MXD1: variants seen among roughly 807,000 people sequenced by gnomAD.
The protein encoded by MXD1 is MAX dimerization protein 1.
Under a neutral mutation model 25.7 loss-of-function variants are expected in MXD1, and 9 were observed. That is an observed-to-expected ratio of 0.35 (90% CI 0.21 to 0.61). The LOEUF is 0.61. Among genes scored for constraint, MXD1 ranks in the 20% least tolerant of loss-of-function variants. The pLI, the probability that MXD1 is intolerant of heterozygous loss-of-function variation, is 0.75. For missense variants in MXD1, 227 were observed against 292.4 expected, an observed-to-expected ratio of 0.78 and a Z score of 1.63; for synonymous variants, 99 against 113.9, an observed-to-expected ratio of 0.87 and a Z score of 0.83.
chr2:69,936,417 C>T (rs1336767277), intron 4 of MXD1, among the ~76,000 whole-genome samples: 6 of 152,168 alleles, frequency 3.9e-5, no homozygotes, highest in Admixed American at 3.3e-4. Flanking sequence ...ACTCTCTTTG[C>T]TACCTGAATA....
chr2:69,938,622 C>A lies in MXD1; in HGVS notation c.*338C>A. The A allele has an allele frequency of 5.1e-6, 1 of 197,742 alleles. No individual in the cohort carries two copies. Among genetic ancestry groups the A allele is most frequent in the Non-Finnish European group, 1.0e-5 (1 of 95,836 alleles). The allele number at this position is 197,742 out of a possible 1,614,324, so 12.2% of individuals were successfully genotyped here. ...CGTGTCCTCTCCCAGACCTTTCTTC[C>A]AGTTTTCTGGCTTACTGTGTTACTT... On this transcript the variant is annotated 3_prime_UTR_variant, in exon 6 of 6. Coordinates refer to ENST00000264444, the MANE Select transcript of MXD1 (RefSeq NM_002357.4).
rs185215223 is a variant in MXD1, at chr2:69,927,156, A to C, written c.203+5391A>C. Among the ~76,000 whole-genome samples the C allele has an allele frequency of 2.5e-3, 379 of 152,354 alleles. 7 individuals carry two copies. Among genetic ancestry groups the C allele is most frequent in the Admixed American group, 4.0e-3 (61 of 15,304 alleles). On this transcript the variant is annotated intron_variant, in intron 3 of 5. Transcript: ENST00000264444. ...ATTCAGTCAGGTCTCTTCTGGAAGA[A>C]TATTCTAATTGATTACAGGTCCCTA...
Position 69,915,367 on chromosome 2 carries a change from C to T in MXD1, c.37C>T (p.Leu13=), listed in dbSNP as rs767536516. ...AAVRMNIQML[L]EAADYLERRE... is the part of the protein sequence containing the mutation. ...GGTTCGGATGAACATCCAGATGCTG[C>T]TGGAGGCGGCCGACTATCTGGAGCG... The change falls in exon 1 of 6, where the codon CTG becomes TTG. Residue 13 remains leucine (L), a synonymous_variant. Transcript: ENST00000264444. The surrounding 1 kb of genome is among the most constrained non-coding windows in gnomAD (Gnocchi z 5.8). 15 of 1,288,522 alleles carry T rather than the reference C, an allele frequency of 1.2e-5. No homozygotes were observed. The highest frequency in any genetic ancestry group is 1.3e-5 in the Non-Finnish European group (13 of 1,008,734). 79.8% of individuals were successfully genotyped at this position (1,288,522 alleles called of 1,614,324 possible). A position where few individuals can be genotyped will look rare whatever the true frequency, so the allele number is the denominator to read the frequency against.
intron 3 of MXD1, among the ~76,000 whole-genome samples, chr2:69,925,951 C>T (rs1035272094): frequency 6.6e-6 from 1 of 152,098 alleles, no homozygotes; most frequent in African/African-American, 2.4e-5. Context: ...AATAAAAAAA[C>T]ACACAGGCAA....
chr2:69,918,737 A>G (rs957252637), intron 2 of MXD1, among the ~76,000 whole-genome samples: 1 of 152,084 alleles, frequency 6.6e-6, no homozygotes, highest in African/African-American at 2.4e-5. Context: ...ATTAGAGTGT[A>G]TTTTTAAATG....
intron 2 of MXD1, 65 bp from the exon 3 acceptor site, chr2:69,921,671 T>C: frequency 7.0e-7 from 1 of 1,420,688 alleles, no homozygotes. Flanking sequence ...AAGAATTGTG[T>C]TGGTGTTGAA....
rs1677504825 is a variant in MXD1, at chr2:69,938,213, G to A, written c.595G>A (p.Glu199Lys). The change falls in exon 6 of 6, where the codon GAG (glutamate) becomes AAG (lysine). Residue 199 changes from glutamate to lysine, a missense_variant. Physicochemically the swap from Glu to Lys is moderately conservative, Grantham distance 56 (BLOSUM62 1). Transcript: ENST00000264444. Reference protein sequence around the residue: ...RGSMQSLGSDEGYSSTSIKRI... With the variant: ...RGSMQSLGSDKGYSSTSIKRI... ...CAGCATGCAGAGCCTCGGCAGTGAT[G>A]AGGGCTATTCCAGCACCAGCATCAA... 3 of 1,614,096 alleles carry A rather than the reference G, an allele frequency of 1.9e-6. No individual in the cohort carries two copies. Among genetic ancestry groups the A allele is most frequent in the Non-Finnish European group, 8.5e-7 (1 of 1,180,052 alleles).
chr2:69,922,948 A>G (rs1378305915), intron 3 of MXD1, among the ~76,000 whole-genome samples: 1 of 151,650 alleles, frequency 6.6e-6, no homozygotes, highest in Non-Finnish European at 1.5e-5. Flanking sequence ...CAGCTTCAGT[A>G]ATTATCAACA....
At chr2:69,916,090 C>T in intron 1 of MXD1, 31 bp from the exon 2 acceptor site, 1 of 1,201,698 alleles carries the variant, frequency 8.3e-7, no homozygotes, top group Non-Finnish European at 1.2e-6. Flanking sequence ...ATTCTGGGCC[C>T]ATTCATTAAC....
At chr2:69,930,906 C>T (rs572444124) in intron 3 of MXD1, among the ~76,000 whole-genome samples, 67 of 152,316 alleles carry the variant, frequency 4.4e-4, no homozygotes, top group African/African-American at 1.4e-3. Context: ...CCCAGGGAGG[C>T]GCTTGTCACC....
At chr2:69,933,522 G>A (rs1198937669) in intron 3 of MXD1, among the ~76,000 whole-genome samples, 1 of 152,076 alleles carries the variant, frequency 6.6e-6, no homozygotes, top group South Asian at 2.1e-4. Context: ...TAAAGCCCTT[G>A]TGCTATTACC....
In MXD1 at chr2:69,941,329, G is replaced by T. The variant is rs1009997043; in HGVS notation, c.*3045G>T. ...TTTGAATGGTGGGCCGAGCACCCAGGTCGTCTGTATTTTGGTTTTCTTTTG... is the reference window on the plus strand; with the variant it reads ...TTTGAATGGTGGGCCGAGCACCCAGTTCGTCTGTATTTTGGTTTTCTTTTG... On this transcript the variant is annotated 3_prime_UTR_variant, in exon 6 of 6. Transcript: ENST00000264444. 6.6e-6 allele frequency: 1 copy of T among 152,166 alleles called. No homozygotes were observed. Among genetic ancestry groups the T allele is most frequent in the East Asian group, 1.9e-4 (1 of 5,196 alleles). The allele number at this position is 152,166 out of a possible 1,614,324, so 9.4% of individuals were successfully genotyped here.
At chr2:69,922,875 GTC>G (rs2104170469) in intron 3 of MXD1, among the ~76,000 whole-genome samples, 1 of 107,656 alleles carries the variant, frequency 9.3e-6, no homozygotes, top group East Asian at 2.7e-4. Flanking sequence ...GTGAGACTCC[GTC>G]TCAAAAAAAA....
At chr2:69,937,098 G>C in intron 4 of MXD1, 137 bp from the exon 5 acceptor site, 1 of 1,140,838 alleles carries the variant, frequency 8.8e-7, no homozygotes, top group Non-Finnish European at 1.3e-6. Context: ...CCTGTCTCAG[G>C]GAGAAGCTTG....
intron 2 of MXD1, among the ~76,000 whole-genome samples, chr2:69,919,493 T>C (rs7419837): frequency 0.54 from 81,588 of 151,628 alleles, 23,990 homozygotes; most frequent in African/African-American, 0.79. Flanking sequence ...TACAGGCGTA[T>C]GTGACCATGC....
At chr2:69,916,436 T>C (rs1676963667) in intron 2 of MXD1, 3 of 367,022 alleles carry the variant, frequency 8.2e-6, no homozygotes, top group African/African-American at 2.1e-5. Flanking sequence ...TACATTTCTT[T>C]ATGAACTTTA....
In MXD1 at chr2:69,925,803, T is replaced by C. The variant is rs1050877377; in HGVS notation, c.203+4038T>C. ...ATCATAATTATTTCCTTAGGATAAATGTATAGCTATGGAATTGGTGGTGAA... is the reference window on the plus strand; with the variant it reads ...ATCATAATTATTTCCTTAGGATAAACGTATAGCTATGGAATTGGTGGTGAA... On this transcript the variant is annotated intron_variant, in intron 3 of 5. Coordinates refer to ENST00000264444, the MANE Select transcript of MXD1 (RefSeq NM_002357.4). Among the ~76,000 whole-genome samples the C allele has an allele frequency of 2.0e-5, 3 of 152,290 alleles. No individual in the cohort carries two copies. In the East Asian group the frequency reaches 5.8e-4, roughly 29 times the overall value.
At chr2:69,920,575 A>G (rs1484401738) in intron 2 of MXD1, among the ~76,000 whole-genome samples, 1 of 152,008 alleles carries the variant, frequency 6.6e-6, no homozygotes, top group East Asian at 1.9e-4. Flanking sequence ...CCTGATGTAA[A>G]TGAGTGGCTG....
chr2:69,931,321 GCCCACCCCCGC>G (rs1677277467), intron 3 of MXD1, among the ~76,000 whole-genome samples: 2 of 150,678 alleles, frequency 1.3e-5, no homozygotes, highest in South Asian at 4.2e-4. Flanking sequence ...CCCACCTCCT[GCCCACCCCCGC>G]TACCTTTCCC....
Sources: allele counts gnomAD v4.1 joint callset (sites outside exome capture counted in the v4.1 genomes callset), GRCh38; gene constraint gnomAD v4.1.1; non-coding constraint Gnocchi (gnomAD v3.1); transcripts MANE v1.5; gene names NCBI Gene and HGNC (gene_info 2026-07-23, HGNC 2026-07-21).